The following F13A1 variants were observed in gnomAD, a reference collection of about 807,000 sequenced individuals.
F13A1 encodes coagulation factor XIII A chain.
F13A1 carries 47 observed loss-of-function variants against 80.1 expected under a neutral mutation model. The observed-to-expected ratio is 0.59, with a 90% CI of 0.46 to 0.75. The LOEUF (loss-of-function observed/expected upper bound fraction) is 0.75. Ranked by LOEUF, F13A1 falls within the 30% of genes least tolerant of loss-of-function variation. The pLI is 0.00. For missense variants in F13A1, 817 were observed against 930.4 expected, an observed-to-expected ratio of 0.88 and a Z score of 1.59; for synonymous variants, 349 against 344.9, an observed-to-expected ratio of 1.01 and a Z score of -0.13.
intron 6 of F13A1, among the ~76,000 whole-genome samples, chr6:6,235,320 G>T (rs890810219): frequency 6.6e-6 from 1 of 151,870 alleles, no homozygotes; most frequent in Admixed American, 6.6e-5. Context: ...TCTTTGAAAG[G>T]CCCTGTGAAG....
intron 6 of F13A1, among the ~76,000 whole-genome samples, chr6:6,225,891 A>G (rs1757270090): frequency 6.6e-6 from 1 of 152,230 alleles, no homozygotes; most frequent in South Asian, 2.1e-4. Context: ...TTTTCTTAGA[A>G]GGTATTTCTG....
intron 13 of F13A1, among the ~76,000 whole-genome samples, chr6:6,158,624 T>TGG (rs1263763923): frequency 3.3e-5 from 5 of 151,812 alleles, no homozygotes; most frequent in Admixed American, 3.3e-4. Flanking sequence ...GGTGTGGGTG[T>TGG]GGGCAGGGGT....
chr6:6,293,857 T>A (rs1758273800), intron 3 of F13A1, among the ~76,000 whole-genome samples: 1 of 149,864 alleles, frequency 6.7e-6, no homozygotes, highest in African/African-American at 2.5e-5. Context: ...CAGAATCACA[T>A]AAATAAATCC....
intron 12 of F13A1, among the ~76,000 whole-genome samples, chr6:6,172,687 T>C (rs1291314257): frequency 1.3e-5 from 2 of 152,126 alleles, no homozygotes. Flanking sequence ...CCTCAGTTGA[T>C]CCACCCGCCT....
chr6:6,286,739 G>A (rs999174612), intron 3 of F13A1, among the ~76,000 whole-genome samples: 5 of 152,188 alleles, frequency 3.3e-5, no homozygotes, highest in Non-Finnish European at 7.3e-5. Context: ...GACAGGCCGG[G>A]ATGAAAGTAA....
At chr6:6,174,318 A>G (rs926654842) in intron 12 of F13A1, among the ~76,000 whole-genome samples, 1 of 152,160 alleles carries the variant, frequency 6.6e-6, no homozygotes. Context: ...TGAACCCAGG[A>G]GGCAAAGGTT....
intron 3 of F13A1, among the ~76,000 whole-genome samples, chr6:6,300,871 A>G (rs1327668757): frequency 6.6e-6 from 1 of 151,886 alleles, no homozygotes; most frequent in Non-Finnish European, 1.5e-5. Flanking sequence ...ATAGTAAATG[A>G]TATCTCAAAT....
intron 12 of F13A1, among the ~76,000 whole-genome samples, chr6:6,173,952 A>C (rs1228904165): frequency 6.6e-6 from 1 of 152,054 alleles, no homozygotes; most frequent in Non-Finnish European, 1.5e-5. Flanking sequence ...CATTTTTTTC[A>C]AACTCCTGGG....
intron 10 of F13A1, among the ~76,000 whole-genome samples, chr6:6,183,271 G>C (rs1761020934): frequency 6.6e-6 from 1 of 152,178 alleles, no homozygotes; most frequent in South Asian, 2.1e-4. Flanking sequence ...CTTCTTCATA[G>C]GACGATTGGC....
intron 8 of F13A1, among the ~76,000 whole-genome samples, chr6:6,201,988 A>G (rs1257956222): frequency 6.6e-6 from 1 of 152,230 alleles, no homozygotes; most frequent in East Asian, 1.9e-4. Context: ...AATTGTATAT[A>G]TTATAGGGTA....
chr6:6,269,811 T>G (rs1047144859), intron 3 of F13A1, among the ~76,000 whole-genome samples: 76 of 152,212 alleles, frequency 5.0e-4, no homozygotes, highest in African/African-American at 1.8e-3. Flanking sequence ...CCTCCTGGGT[T>G]CATGCCATTC....
At chr6:6,295,245 T>A (rs1758304371) in intron 3 of F13A1, among the ~76,000 whole-genome samples, 1 of 148,152 alleles carries the variant, frequency 6.7e-6, no homozygotes, top group South Asian at 2.1e-4. Context: ...TTTATAGTCC[T>A]TTGGGTATAT....
chr6:6,266,946 G>T, intron 3 of F13A1, 137 bp from the exon 4 acceptor site: 1 of 1,254,704 alleles, frequency 8.0e-7, no homozygotes, highest in Non-Finnish European at 1.1e-6. Flanking sequence ...TACAAATCAG[G>T]CAAGTCTGCA....
At chr6:6,151,992 G>A (rs770699327) in intron 13 of F13A1, 43 bp from the exon 14 acceptor site, 4 of 1,610,818 alleles carry the variant, frequency 2.5e-6, no homozygotes, top group African/African-American at 1.3e-5. Flanking sequence ...ATAAAACCTC[G>A]TTCTGCTCTC....
intron 6 of F13A1, among the ~76,000 whole-genome samples, chr6:6,234,402 A>C (rs1159195110): frequency 6.6e-6 from 1 of 152,010 alleles, no homozygotes; most frequent in Non-Finnish European, 1.5e-5. Context: ...ATCATAACCA[A>C]ACTATTAATA....
chr6:6,193,370 C>T (rs766442474), intron 10 of F13A1, among the ~76,000 whole-genome samples: 12 of 152,194 alleles, frequency 7.9e-5, no homozygotes, highest in Admixed American at 2.6e-4. Flanking sequence ...GAAGAGAAGG[C>T]GAGCTGATGC....
intron 8 of F13A1, among the ~76,000 whole-genome samples, chr6:6,203,631 C>G (rs1014530964): frequency 1.2e-4 from 18 of 152,236 alleles, no homozygotes; most frequent in African/African-American, 4.3e-4. Context: ...CCAGCCAACA[C>G]TGATCGATTG....
intron 2 of F13A1, among the ~76,000 whole-genome samples, chr6:6,311,038 CTTTTTT>C (rs71312605): frequency 6.7e-6 from 1 of 149,168 alleles, no homozygotes; most frequent in Non-Finnish European, 1.5e-5. Flanking sequence ...AAACATCTGT[CTTTTTT>C]TTTTTAAAAA....
chr6:6,318,689 A>G lies in F13A1; in HGVS notation c.-18-7T>C. On this transcript the variant is annotated splice_polypyrimidine_tract_variant and splice_region_variant and intron_variant, in intron 1 of 14. Coordinates refer to ENST00000264870, the MANE Select transcript of F13A1 (RefSeq NM_000129.4). ...TTTTTGACTTTACAAGGTCCTTCAG[A>G]AAAAAAAAAAAAAGAAGACAACAGA... 1 of 1,072,458 alleles carries G rather than the reference A, an allele frequency of 9.3e-7. No homozygotes were observed. The allele number at this position is 1,072,458 out of a possible 1,614,324, so 66.4% of individuals were successfully genotyped here.
Sources: allele counts gnomAD v4.1 joint callset (sites outside exome capture counted in the v4.1 genomes callset), GRCh38; gene constraint gnomAD v4.1.1; transcripts MANE v1.5; gene names NCBI Gene and HGNC (gene_info 2026-07-23, HGNC 2026-07-21).